The following RFX8 variants were observed in gnomAD, a reference collection of about 807,000 sequenced individuals.
The protein encoded by RFX8 is DNA-binding protein RFX8.
RFX8 carries 46 observed loss-of-function variants against 54.6 expected under a neutral mutation model. The observed-to-expected ratio is 0.84, with a 90% CI of 0.67 to 1.08. RFX8 has a LOEUF of 1.08. Among genes scored for constraint, RFX8 ranks in the 50% least tolerant of loss-of-function variants. RFX8 has a pLI of 0.00. For synonymous variants in RFX8, 192 were observed against 209.5 expected, an observed-to-expected ratio of 0.92 and a Z score of 0.72; for missense variants, 536 against 562.3, an observed-to-expected ratio of 0.95 and a Z score of 0.47.
intron 2 of RFX8, among the ~76,000 whole-genome samples, chr2:101,429,919 A>G (rs1002087713): frequency 2.0e-5 from 3 of 152,106 alleles, no homozygotes; most frequent in Non-Finnish European, 4.4e-5. Context: ...GGATGGTTCT[A>G]CGTCCTCCCC....
intron 2 of RFX8, among the ~76,000 whole-genome samples, chr2:101,465,841 A>G (rs1348567850): frequency 2.6e-5 from 4 of 152,214 alleles, no homozygotes; most frequent in Non-Finnish European, 5.9e-5. Flanking sequence ...AGCACATCTG[A>G]GGGACTGCGT....
At chr2:101,453,520 T>C (rs542692785) in intron 2 of RFX8, among the ~76,000 whole-genome samples, 23 of 151,988 alleles carry the variant, frequency 1.5e-4, no homozygotes, top group Non-Finnish European at 2.8e-4. Context: ...AGGCAGAGGT[T>C]GCAGTGAGCT....
intron 2 of RFX8, among the ~76,000 whole-genome samples, chr2:101,462,281 AAT>A (rs1193460028): frequency 1.3e-5 from 2 of 152,120 alleles, no homozygotes; most frequent in Admixed American, 6.6e-5. Flanking sequence ...AACAAAACAA[AAT>A]TAACCAGGTG....
At chr2:101,441,245 C>T (rs1283083149) in intron 2 of RFX8, among the ~76,000 whole-genome samples, 3 of 152,212 alleles carry the variant, frequency 2.0e-5, no homozygotes, top group Non-Finnish European at 4.4e-5. Flanking sequence ...GCTGGGATTA[C>T]AGGCGTGAGC....
chr2:101,428,668 A>G (rs1304991243), intron 2 of RFX8, among the ~76,000 whole-genome samples: 1 of 152,236 alleles, frequency 6.6e-6, no homozygotes. Context: ...CTTCAGACAC[A>G]TTTATTGCCA....
intron 6 of RFX8, among the ~76,000 whole-genome samples, chr2:101,415,235 T>TG (rs1415911652): frequency 1.3e-5 from 2 of 152,118 alleles, no homozygotes; most frequent in African/African-American, 4.8e-5. Context: ...AGTGGGGCCT[T>TG]GGGGAGGTGA....
chr2:101,471,062 G>C (rs1045692747), intron 1 of RFX8, among the ~76,000 whole-genome samples: 5 of 150,964 alleles, frequency 3.3e-5, no homozygotes, highest in African/African-American at 9.7e-5. Flanking sequence ...AACTGGGCGC[G>C]GTGGCTCATG....
intron 2 of RFX8, among the ~76,000 whole-genome samples, chr2:101,463,416 G>T (rs1051772400): frequency 6.6e-6 from 1 of 152,186 alleles, no homozygotes; most frequent in East Asian, 1.9e-4. Context: ...GGCTCTGGCA[G>T]GAGAGTGGAA....
Position 101,474,988 on chromosome 2 carries a change from C to CGG in RFX8, c.-406_-405insCC, listed in dbSNP as rs1488266762. On this transcript the variant is annotated 5_prime_UTR_variant, in exon 1 of 12. The change creates a premature stop within an existing upstream ORF in the 5' untranslated region. Coordinates refer to ENST00000428343, the MANE Select transcript of RFX8 (RefSeq NM_001145664.2). ...GTGCTGCTCCAGGTGAGCAGTGCCA[C>CGG]CTCAACGTGAGTCCCCATATCTGTA... is the stretch of plus-strand genomic sequence containing the variant. Among the ~76,000 whole-genome samples the CGG allele has an allele frequency of 3.9e-5, 6 of 152,298 alleles. No individual in the cohort carries two copies. In the South Asian group the frequency reaches 6.2e-4, roughly 16 times the overall value.
chr2:101,402,847 G>A (rs1685524076), intron 10 of RFX8, 95 bp from the exon 11 acceptor site: 13 of 1,105,656 alleles, frequency 1.2e-5, no homozygotes, highest in South Asian at 4.7e-5. Flanking sequence ...GCTAACACCT[G>A]TGTACGTGAG....
At chr2:101,469,054 ACGT>A (rs1689772516) in intron 1 of RFX8, among the ~76,000 whole-genome samples, 1 of 29,634 alleles carries the variant, frequency 3.4e-5, no homozygotes, top group South Asian at 1.4e-3. Flanking sequence ...ATATATATAT[ACGT>A]ATATATATGT....
At chr2:101,440,493 G>A (rs914172618) in intron 2 of RFX8, among the ~76,000 whole-genome samples, 20 of 152,306 alleles carry the variant, frequency 1.3e-4, no homozygotes, top group Admixed American at 3.3e-4. Context: ...AGTCGCTAAC[G>A]GGCTTCCCTG....
chr2:101,412,822 CCCTATTAAGAAATTCAT>C, intron 8 of RFX8, 76 bp downstream of exon 8: 1 of 1,189,630 alleles, frequency 8.4e-7, no homozygotes, highest in Admixed American at 2.7e-5. Context: ...AAAGTTCTAC[CCCTATTAAGAAATTCAT>C]GAGTTAACGA....
chr2:101,467,163 G>T (rs754739496), intron 1 of RFX8, among the ~76,000 whole-genome samples: 1 of 152,174 alleles, frequency 6.6e-6, no homozygotes, highest in Non-Finnish European at 1.5e-5. Flanking sequence ...TTCCTGGCAG[G>T]TTGGCATGCT....
At chr2:101,465,734 T>C (rs1689540321) in intron 2 of RFX8, among the ~76,000 whole-genome samples, 3 of 152,180 alleles carry the variant, frequency 2.0e-5, no homozygotes, top group Admixed American at 6.5e-5. Flanking sequence ...AAAAAAATAC[T>C]TAAGGTTGTT....
At chr2:101,421,450 G>A (rs1686857887) in intron 4 of RFX8, 5 of 1,134,440 alleles carry the variant, frequency 4.4e-6, no homozygotes, top group Non-Finnish European at 5.4e-6. Context: ...AGCAGAATTA[G>A]GATCTAAAAA....
chr2:101,436,937 A>C (rs1217497964), intron 2 of RFX8, among the ~76,000 whole-genome samples: 1 of 152,212 alleles, frequency 6.6e-6, no homozygotes, highest in African/African-American at 2.4e-5. Context: ...GAAAGGAAGG[A>C]GTCGCACTCC....
intron 2 of RFX8, among the ~76,000 whole-genome samples, chr2:101,436,440 T>C (rs1335288515): frequency 6.6e-6 from 1 of 152,136 alleles, no homozygotes; most frequent in Non-Finnish European, 1.5e-5. Flanking sequence ...TGAGAACTGA[T>C]TTGGGAGAGC....
At chr2:101,474,092 T>C in intron 1 of RFX8, 1 of 511,594 alleles carries the variant, frequency 2.0e-6, no homozygotes, top group Non-Finnish European at 3.4e-6. Flanking sequence ...GGGCCGCTCC[T>C]CACACCCGGC....
Sources: allele counts gnomAD v4.1 joint callset (sites outside exome capture counted in the v4.1 genomes callset), GRCh38; gene constraint gnomAD v4.1.1; transcripts MANE v1.5; gene names NCBI Gene and HGNC (gene_info 2026-07-23, HGNC 2026-07-21).